The following KCNK13 variants were observed in gnomAD, a reference collection of about 807,000 sequenced individuals.
The protein encoded by KCNK13 is potassium two pore domain channel subfamily K member 13.
A neutral mutation model predicts 23.4 loss-of-function variants in KCNK13; 12 were observed. The ratio of observed to expected loss-of-function variants is 0.51; its 90% CI spans 0.33 to 0.83. The LOEUF (loss-of-function observed/expected upper bound fraction) is 0.83, where lower values mean the gene tolerates loss of function less well. KCNK13 is among the 40% of genes least tolerant of loss of function. The pLI, the probability that KCNK13 is intolerant of heterozygous loss-of-function variation, is 0.02. For missense variants in KCNK13, 463 were observed against 556.3 expected (o/e 0.83, Z 1.69); for synonymous variants, 231 against 229.5 (o/e 1.01, Z -0.06).
chr14:90,109,004 G>A (rs1251767962), intron 1 of KCNK13, among the ~76,000 whole-genome samples: 17 of 151,880 alleles, frequency 1.1e-4, no homozygotes, highest in African/African-American at 4.1e-4. Context: ...GTGAAACCCC[G>A]TCTCTACTAA....
intron 1 of KCNK13, among the ~76,000 whole-genome samples, chr14:90,140,658 G>T (rs947402900): frequency 1.2e-4 from 18 of 152,142 alleles, no homozygotes; most frequent in African/African-American, 4.3e-4. Context: ...TGTACCCTCC[G>T]AATTATCTGA....
At chr14:90,095,669 G>A (rs1026086773) in intron 1 of KCNK13, among the ~76,000 whole-genome samples, 2 of 152,056 alleles carry the variant, frequency 1.3e-5, no homozygotes, top group Admixed American at 6.6e-5. Context: ...AACACAGAAG[G>A]CTTCTGTGAC....
intron 1 of KCNK13, among the ~76,000 whole-genome samples, chr14:90,156,198 C>A (rs1483292246): frequency 2.3e-5 from 1 of 42,628 alleles, no homozygotes; most frequent in African/African-American, 9.6e-5. Flanking sequence ...GAGTGAGAGT[C>A]TGGCCAAAAA....
Position 90,172,050 on chromosome 14 carries a change from C to CCCCT in KCNK13, c.335-12061_335-12060insCCCT, listed in dbSNP as rs1405632704. ...TTATAGAAGGGGCCAGGCGTGGTGG[C>CCCCT]TCACACATGTAATCCCACCGCTTTG... is the stretch of plus-strand genomic sequence containing the variant. On this transcript the variant is annotated intron_variant, in intron 1 of 1. Coordinates refer to ENST00000282146, the MANE Select transcript of KCNK13 (RefSeq NM_022054.4). Among the ~76,000 whole-genome samples, 7 of 152,218 alleles carry CCCCT rather than the reference C, an allele frequency of 4.6e-5. No homozygotes were observed. The East Asian group carries it at 1.4e-3, about 29-fold the overall frequency.
At chr14:90,157,740 C>T (rs1230811019) in intron 1 of KCNK13, among the ~76,000 whole-genome samples, 1 of 126,374 alleles carries the variant, frequency 7.9e-6, no homozygotes, top group Non-Finnish European at 1.6e-5. Flanking sequence ...CTTGCTCTGT[C>T]ACCCAGGCTG....
chr14:90,086,036 T>C (rs1889272336), intron 1 of KCNK13, among the ~76,000 whole-genome samples: 1 of 151,306 alleles, frequency 6.6e-6, no homozygotes, highest in Admixed American at 6.6e-5. Context: ...TACTTAACTA[T>C]GATATGGATA....
At chr14:90,073,486 G>C (rs1204582084) in intron 1 of KCNK13, among the ~76,000 whole-genome samples, 1 of 152,146 alleles carries the variant, frequency 6.6e-6, no homozygotes, top group East Asian at 1.9e-4. Flanking sequence ...TTGGCACCAA[G>C]GTTCTCTGTG....
chr14:90,163,279 G>A (rs1890270087), intron 1 of KCNK13, among the ~76,000 whole-genome samples: 1 of 152,218 alleles, frequency 6.6e-6, no homozygotes, highest in Non-Finnish European at 1.5e-5. Context: ...CCTTAAGGAA[G>A]AGAAACGCAA....
chr14:90,142,148 C>T (rs923616644), intron 1 of KCNK13, among the ~76,000 whole-genome samples: 1 of 151,950 alleles, frequency 6.6e-6, no homozygotes, highest in Non-Finnish European at 1.5e-5. Context: ...GATCTGCTCT[C>T]TGTCACTACA....
chr14:90,182,143 C>T (rs1890494707), intron 1 of KCNK13, among the ~76,000 whole-genome samples: 1 of 152,208 alleles, frequency 6.6e-6, no homozygotes. Context: ...CCATCTAGCT[C>T]AAAAGCTATA....
chr14:90,082,994 T>A (rs1324481881), intron 1 of KCNK13, among the ~76,000 whole-genome samples: 4 of 152,230 alleles, frequency 2.6e-5, no homozygotes, highest in Admixed American at 2.6e-4. Context: ...TGGTTTTGAT[T>A]TGCATTTCTT....
chr14:90,143,773 C>T (rs182090965), intron 1 of KCNK13, among the ~76,000 whole-genome samples: 1 of 152,270 alleles, frequency 6.6e-6, no homozygotes, highest in East Asian at 1.9e-4. Flanking sequence ...GTGCAGAAAA[C>T]AGAAGCGAGG....
At chr14:90,115,468 A>G (rs1889665456) in intron 1 of KCNK13, among the ~76,000 whole-genome samples, 1 of 152,234 alleles carries the variant, frequency 6.6e-6, no homozygotes, top group Non-Finnish European at 1.5e-5. Flanking sequence ...AGTTGGAGTC[A>G]GAAGGTTCCA....
chr14:90,169,390 G>C (rs954579979), intron 1 of KCNK13, among the ~76,000 whole-genome samples: 1 of 152,156 alleles, frequency 6.6e-6, no homozygotes, highest in Non-Finnish European at 1.5e-5. Context: ...TGAAACTCCT[G>C]GAGGGCAGAA....
chr14:90,165,922 G>A (rs184784039), intron 1 of KCNK13, among the ~76,000 whole-genome samples: 2 of 152,240 alleles, frequency 1.3e-5, no homozygotes, highest in East Asian at 1.9e-4. Context: ...ATTCCTCTTC[G>A]CAAGCTGATG....
chr14:90,069,850 G>T (rs943464220), intron 1 of KCNK13, among the ~76,000 whole-genome samples: 1 of 152,184 alleles, frequency 6.6e-6, no homozygotes, highest in Non-Finnish European at 1.5e-5. Flanking sequence ...GGAACCTGAG[G>T]TGCAGACAGC....
intron 1 of KCNK13, among the ~76,000 whole-genome samples, chr14:90,066,727 G>A (rs1889013828): frequency 6.6e-6 from 1 of 152,180 alleles, no homozygotes; most frequent in African/African-American, 2.4e-5. Flanking sequence ...AAAAGTCAGA[G>A]CTTAGAGTGA....
At chr14:90,152,845 A>C (rs1286384191) in intron 1 of KCNK13, among the ~76,000 whole-genome samples, 1 of 152,158 alleles carries the variant, frequency 6.6e-6, no homozygotes, top group Non-Finnish European at 1.5e-5. Flanking sequence ...ATTGACATAG[A>C]GTCTCCCCCT....
At chr14:90,183,362 C>T (rs1054341860) in intron 1 of KCNK13, among the ~76,000 whole-genome samples, 1 of 152,166 alleles carries the variant, frequency 6.6e-6, no homozygotes, top group African/African-American at 2.4e-5. Context: ...AATCCCAGTG[C>T]TTTGGGAGGC....
Sources: gnomAD v4.1 joint callset for allele counts (sites outside exome capture counted in the v4.1 genomes callset) on GRCh38, gnomAD v4.1.1 for gene constraint, MANE v1.5 for transcripts, NCBI Gene and HGNC (gene_info 2026-07-23, HGNC 2026-07-21) for gene names.